NTRK2: variants seen among roughly 807,000 people sequenced by gnomAD.
NTRK2 encodes neurotrophic receptor tyrosine kinase 2.
NTRK2 carries 13 observed loss-of-function variants against 94.5 expected under a neutral mutation model. That is an observed-to-expected ratio of 0.14 (90% CI 0.09 to 0.22). The LOEUF is 0.22. Among genes scored for constraint, NTRK2 ranks in the 10% least tolerant of loss-of-function variants. The pLI is 1.00. For missense variants in NTRK2, 639 were observed against 1,071.2 expected, an observed-to-expected ratio of 0.60 and a Z score of 5.63; for synonymous variants, 372 against 407.4, an observed-to-expected ratio of 0.91 and a Z score of 1.05.
intron 14 of NTRK2, among the ~76,000 whole-genome samples, chr9:84,893,929 T>C (rs1469395988): frequency 1.3e-5 from 2 of 152,080 alleles, no homozygotes; most frequent in Non-Finnish European, 2.9e-5. Context: ...AAACAGTACA[T>C]TCAGGAACAA....
intron 17 of NTRK2, among the ~76,000 whole-genome samples, chr9:84,966,738 A>C (rs1435216298): frequency 6.6e-6 from 1 of 152,196 alleles, no homozygotes; most frequent in Non-Finnish European, 1.5e-5. Flanking sequence ...GCCAGTGTAG[A>C]GCTATTATAT....
chr9:84,717,218 A>G (rs1313910930), intron 6 of NTRK2, among the ~76,000 whole-genome samples: 1 of 152,240 alleles, frequency 6.6e-6, no homozygotes, highest in African/African-American at 2.4e-5. Flanking sequence ...CCAACATGAA[A>G]TGAACAGAGC....
At chr9:84,695,889 G>A (rs983084037) in intron 2 of NTRK2, among the ~76,000 whole-genome samples, 3 of 152,106 alleles carry the variant, frequency 2.0e-5, no homozygotes, top group African/African-American at 7.2e-5. Context: ...TCTCTCCTTA[G>A]AGCATCATCT....
chr9:84,911,092 T>C (rs1587905708), intron 14 of NTRK2, among the ~76,000 whole-genome samples: 1 of 152,174 alleles, frequency 6.6e-6, no homozygotes, highest in South Asian at 2.1e-4. Context: ...GTTTTGAGTA[T>C]GCAAATCCTA....
intron 2 of NTRK2, among the ~76,000 whole-genome samples, chr9:84,682,865 C>T (rs184965290): frequency 1.7e-3 from 260 of 152,258 alleles, no homozygotes; most frequent in African/African-American, 5.8e-3. Context: ...ACCTTATTTT[C>T]TTCCCAGCTG....
rs1177481116 is a variant in NTRK2, at chr9:84,955,278, C to T, written c.1938-5C>T. The T allele has an allele frequency of 6.3e-7, 1 of 1,592,936 alleles. No homozygotes were observed. Among genetic ancestry groups the T allele is most frequent in the Non-Finnish European group, 8.6e-7 (1 of 1,169,338 alleles). The stretch of plus-strand genomic sequence containing the variant: ...CCCAGCTTCATTCTCCATGTCCTTC[C>T]CCAGGGCACACGGCCCTGATGCCGT... On this transcript the variant is annotated splice_region_variant and splice_polypyrimidine_tract_variant and intron_variant, in intron 16 of 18. Transcript: ENST00000277120.
At position 84,876,124 on chromosome 9, in the gene NTRK2, G is replaced by A. The variant is rs182172730; in HGVS notation, c.1633+8693G>A. ...TTTTAACCATGCCATTGAACTTTTGGGTGCATTAAAGTGGAACCCAAGCTC... is the reference window on the plus strand; with the variant it reads ...TTTTAACCATGCCATTGAACTTTTGAGTGCATTAAAGTGGAACCCAAGCTC... On this transcript the variant is annotated intron_variant, in intron 14 of 18. Coordinates refer to ENST00000277120, the MANE Select transcript of NTRK2 (RefSeq NM_006180.6). The A allele has an allele frequency of 7.1e-5, 74 of 1,037,656 alleles. No homozygotes were observed. In the African/African-American group the frequency reaches 1.1e-3, roughly 15 times the overall value. The allele number at this position is 1,037,656 out of a possible 1,614,324, so 64.3% of individuals were successfully genotyped here.
At chr9:84,915,317 G>C (rs1488198301) in intron 14 of NTRK2, among the ~76,000 whole-genome samples, 1 of 152,206 alleles carries the variant, frequency 6.6e-6, no homozygotes, top group Non-Finnish European at 1.5e-5. Flanking sequence ...CCAGTGTTGA[G>C]GTGGATCCTG....
chr9:85,006,690 C>A (rs1477088094), intron 17 of NTRK2, among the ~76,000 whole-genome samples: 1 of 150,630 alleles, frequency 6.6e-6, no homozygotes, highest in Non-Finnish European at 1.5e-5. Flanking sequence ...GCTGAGGGGT[C>A]ACTTTGGCTC....
In NTRK2 at chr9:84,730,783, C is replaced by CAA; in HGVS notation, c.1159+2848_1159+2849dup. On this transcript the variant is annotated intron_variant, in intron 9 of 18. Transcript: ENST00000277120. The stretch of plus-strand genomic sequence containing the variant: ...AAACTAAAGAAAAATAAACAAATAG[C>CAA]AAAAAAAAAAAAAAAAAAAAAAAAA... Among the ~76,000 whole-genome samples the CAA allele has an allele frequency of 1.0e-3, 25 of 24,140 alleles. 4 individuals are homozygous for CAA. The highest frequency in any genetic ancestry group is 4.7e-3 in the Admixed American group (5 of 1,062). 15.8% of individuals were successfully genotyped at this position (24,140 alleles called of 152,430 possible).
intron 14 of NTRK2, among the ~76,000 whole-genome samples, chr9:84,913,760 G>A (rs1344504991): frequency 6.6e-6 from 1 of 151,958 alleles, no homozygotes; most frequent in Non-Finnish European, 1.5e-5. Context: ...TCATAGTGTG[G>A]ATTTTTTTGG....
rs780304663 is a variant in NTRK2 at position 84,805,345 on chromosome 9, T to C, written c.1396+53260T>C. The stretch of plus-strand genomic sequence containing the variant: ...ATAAATGGACCACGTTTTTTTCCCT[T>C]TGTCCCGCATACACTACTGTAATTT... On this transcript the variant is annotated intron_variant, in intron 12 of 18. Transcript: ENST00000277120. 2.0e-5 allele frequency among the ~76,000 whole-genome samples: 3 copies of C among 152,220 alleles called. No individual in the cohort carries two copies. The East Asian group carries it at 5.8e-4, about 29-fold the overall frequency.
intron 11 of NTRK2, among the ~76,000 whole-genome samples, chr9:84,745,823 T>G (rs561975833): frequency 1.3e-5 from 2 of 152,144 alleles, no homozygotes; most frequent in Non-Finnish European, 2.9e-5. Flanking sequence ...ATAAAGATTG[T>G]GGCCAGGTTG....
intron 8 of NTRK2, among the ~76,000 whole-genome samples, chr9:84,726,597 T>G (rs962806287): frequency 2.6e-5 from 4 of 152,196 alleles, no homozygotes; most frequent in Non-Finnish European, 5.9e-5. Flanking sequence ...TTTTTTCTCC[T>G]CTTGTTTGAT....
chr9:84,804,314 A>G (rs1039605038), intron 12 of NTRK2, among the ~76,000 whole-genome samples: 26 of 151,860 alleles, frequency 1.7e-4, no homozygotes, highest in Admixed American at 1.3e-4. Context: ...TCCTCTTTCT[A>G]TCTCTTGATT....
intron 12 of NTRK2, among the ~76,000 whole-genome samples, chr9:84,805,896 A>G (rs1258426456): frequency 2.0e-5 from 3 of 152,230 alleles, no homozygotes; most frequent in Non-Finnish European, 4.4e-5. Flanking sequence ...TGAACTCTGC[A>G]AAGATTTCCC....
chr9:84,728,068 C>G, intron 9 of NTRK2, 109 bp downstream of exon 9: 1 of 994,672 alleles, frequency 1.0e-6, no homozygotes, highest in African/African-American at 1.6e-5. Context: ...GCTTAAAACT[C>G]CATTATTTAG....
At chr9:84,811,300 CAAAT>C in intron 12 of NTRK2, 1 of 1,065,188 alleles carries the variant, frequency 9.4e-7, no homozygotes, top group Non-Finnish European at 1.1e-6. Context: ...ACAAAACAAA[CAAAT>C]GAAAAACGTT....
chr9:84,854,022 A>T (rs1443600325), intron 12 of NTRK2, among the ~76,000 whole-genome samples: 1 of 151,366 alleles, frequency 6.6e-6, no homozygotes, highest in East Asian at 1.9e-4. Context: ...CAGTGAGCTG[A>T]GATCGCACCA....
Sources: allele counts gnomAD v4.1 joint callset (sites outside exome capture counted in the v4.1 genomes callset), GRCh38; gene constraint gnomAD v4.1.1; transcripts MANE v1.5; gene names NCBI Gene and HGNC (gene_info 2026-07-23, HGNC 2026-07-21).